KIAA1958: variants seen among roughly 807,000 people sequenced by gnomAD.
The protein encoded by KIAA1958 is uncharacterized protein KIAA1958.
A neutral mutation model predicts 47.2 loss-of-function variants in KIAA1958; 14 were observed. The ratio of observed to expected loss-of-function variants is 0.30; its 90% confidence interval spans 0.20 to 0.46. The LOEUF is 0.46. Among genes scored for constraint, KIAA1958 ranks in the 20% least tolerant of loss-of-function variants. The probability of loss-of-function intolerance (pLI) is 1.00; values close to 1 mark genes in which losing one functional copy is unlikely to be tolerated. For missense variants in KIAA1958, 803 were observed against 909.2 expected (o/e 0.88, Z 1.50); for synonymous variants, 354 against 353.3 (o/e 1.00, Z -0.02).
intron 3 of KIAA1958, among the ~76,000 whole-genome samples, chr9:112,651,521 A>C (rs930765987): frequency 1.2e-4 from 18 of 151,904 alleles, no homozygotes; most frequent in African/African-American, 4.3e-4. Context: ...CAGCCTCCCA[A>C]GTAGCTGGGA....
intron 2 of KIAA1958, among the ~76,000 whole-genome samples, chr9:112,629,931 C>T (rs1836680072): frequency 6.6e-6 from 1 of 152,210 alleles, no homozygotes; most frequent in Non-Finnish European, 1.5e-5. Context: ...GAATTGTCTT[C>T]TGCAAAGCTG....
chr9:112,605,262 A>T (rs1836209813), intron 2 of KIAA1958, among the ~76,000 whole-genome samples: 1 of 151,996 alleles, frequency 6.6e-6, no homozygotes, highest in Admixed American at 6.6e-5. Flanking sequence ...TTTAGATAAG[A>T]TTAGCTTGAA....
intron 1 of KIAA1958, among the ~76,000 whole-genome samples, chr9:112,545,825 G>GTGTGTTT (rs60211721): frequency 3.2e-5 from 3 of 93,040 alleles, no homozygotes; most frequent in African/African-American, 8.2e-5. Context: ...AGGTTTCTTT[G>GTGTGTTT]TTTTTTTTTT....
intron 1 of KIAA1958, among the ~76,000 whole-genome samples, chr9:112,521,079 T>G (rs1219202444): frequency 6.6e-6 from 1 of 152,180 alleles, no homozygotes; most frequent in Non-Finnish European, 1.5e-5. Context: ...AAACAATATT[T>G]TTCAATTAAA....
chr9:112,524,842 A>G (rs3849134), intron 1 of KIAA1958, among the ~76,000 whole-genome samples: 145,368 of 152,290 alleles, frequency 0.95, 69,453 homozygotes, highest in African/African-American at 0.99. Context: ...TTGCTGGTTC[A>G]CAGCGCCCTG....
intron 1 of KIAA1958, among the ~76,000 whole-genome samples, chr9:112,569,953 T>C (rs1335836074): frequency 6.6e-6 from 1 of 152,182 alleles, no homozygotes; most frequent in Non-Finnish European, 1.5e-5. Context: ...TGTTTTACTT[T>C]TTCTTGTCAT....
chr9:112,640,236 T>C (rs1374169040), intron 2 of KIAA1958, among the ~76,000 whole-genome samples: 1 of 152,224 alleles, frequency 6.6e-6, no homozygotes, highest in African/African-American at 2.4e-5. Context: ...TAGACTGATC[T>C]ATTTCCAGTT....
At chr9:112,501,985 G>T (rs1442597213) in intron 1 of KIAA1958, among the ~76,000 whole-genome samples, 3 of 152,178 alleles carry the variant, frequency 2.0e-5, no homozygotes, top group African/African-American at 7.2e-5. Context: ...GAAGAGAAAT[G>T]TTCAGCCTCC....
chr9:112,503,209 T>A (rs1292666537), intron 1 of KIAA1958, among the ~76,000 whole-genome samples: 1 of 152,180 alleles, frequency 6.6e-6, no homozygotes, highest in East Asian at 1.9e-4. Context: ...CCAAGGAATA[T>A]CTCACAGAGA....
intron 2 of KIAA1958, among the ~76,000 whole-genome samples, chr9:112,592,748 TA>T (rs1835945803): frequency 6.6e-6 from 1 of 152,214 alleles, no homozygotes; most frequent in South Asian, 2.1e-4. Flanking sequence ...AAGATAGTGC[TA>T]AAACCTAGAA....
chr9:112,656,293 G>A (rs1326012307), intron 3 of KIAA1958, among the ~76,000 whole-genome samples: 1 of 139,020 alleles, frequency 7.2e-6, no homozygotes, highest in African/African-American at 2.7e-5. Context: ...AGAATCACTT[G>A]AACCCAGGAG....
intron 2 of KIAA1958, among the ~76,000 whole-genome samples, chr9:112,622,448 G>A (rs1564193307): frequency 2.0e-5 from 3 of 152,172 alleles, no homozygotes; most frequent in South Asian, 4.1e-4. Context: ...ATTCATGTGA[G>A]TGACTCTTGA....
chr9:112,649,790 T>C (rs1309755510), intron 3 of KIAA1958, among the ~76,000 whole-genome samples: 1 of 152,154 alleles, frequency 6.6e-6, no homozygotes, highest in African/African-American at 2.4e-5. Context: ...TAAAGACTTT[T>C]CAGGCATTCA....
intron 3 of KIAA1958, among the ~76,000 whole-genome samples, chr9:112,657,499 T>C (rs1837169793): frequency 6.6e-6 from 1 of 152,224 alleles, no homozygotes; most frequent in African/African-American, 2.4e-5. Context: ...AAAACTATGA[T>C]GTATATTTAT....
intron 1 of KIAA1958, among the ~76,000 whole-genome samples, chr9:112,556,325 G>A (rs772310252): frequency 1.6e-4 from 25 of 152,140 alleles, no homozygotes; most frequent in Admixed American, 5.9e-4. Flanking sequence ...CTGCACACAG[G>A]TAGCTACTGG....
At chr9:112,606,558 A>G (rs1007560436) in intron 2 of KIAA1958, among the ~76,000 whole-genome samples, 5 of 152,236 alleles carry the variant, frequency 3.3e-5, no homozygotes, top group African/African-American at 1.2e-4. Context: ...CTGCTAAACT[A>G]TATACATACT....
At chr9:112,544,713 T>C (rs949654238) in intron 1 of KIAA1958, among the ~76,000 whole-genome samples, 7 of 152,230 alleles carry the variant, frequency 4.6e-5, no homozygotes, top group South Asian at 4.1e-4. Context: ...CTGCAACTTA[T>C]ACATTTCCAC....
At chr9:112,632,577 C>A (rs1300273342) in intron 2 of KIAA1958, among the ~76,000 whole-genome samples, 1 of 152,022 alleles carries the variant, frequency 6.6e-6, no homozygotes, top group African/African-American at 2.4e-5. Flanking sequence ...TGAAATATAT[C>A]TCATTTTAAT....
chr9:112,540,027 T>C (rs909654148), intron 1 of KIAA1958, among the ~76,000 whole-genome samples: 4 of 152,226 alleles, frequency 2.6e-5, no homozygotes, highest in Admixed American at 6.5e-5. Flanking sequence ...AAATATGTTT[T>C]AATGAAGTTG....
Sources: allele counts gnomAD v4.1 joint callset (sites outside exome capture counted in the v4.1 genomes callset), GRCh38; gene constraint gnomAD v4.1.1; transcripts MANE v1.5; gene names NCBI Gene and HGNC (gene_info 2026-07-23, HGNC 2026-07-21).